Variants in MATN2 observed in about 807,000 individuals in gnomAD.
MATN2 encodes matrilin-2.
A neutral mutation model predicts 103.2 loss-of-function variants in MATN2; 69 were observed. The ratio of observed to expected loss-of-function variants is 0.67; its 90% confidence interval spans 0.55 to 0.82. The LOEUF is 0.82. MATN2 is among the 40% of genes least tolerant of loss of function. The pLI is 0.00. For missense variants in MATN2, 1,023 were observed against 1,211.5 expected, an observed-to-expected ratio of 0.84 and a Z score of 2.31; for synonymous variants, 429 against 450.2, an observed-to-expected ratio of 0.95 and a Z score of 0.60.
intron 7 of MATN2, among the ~76,000 whole-genome samples, chr8:97,996,861 C>T (rs1310789164): frequency 2.0e-5 from 3 of 152,160 alleles, no homozygotes; most frequent in African/African-American, 7.2e-5. Flanking sequence ...AGGATACAGC[C>T]ATTTACGTTT....
chr8:97,994,490 C>T lies in MATN2; in HGVS notation c.1092C>T (p.Tyr364=). 1 of 1,611,310 alleles carries T rather than the reference C, an allele frequency of 6.2e-7. No homozygotes were observed. The highest frequency in any genetic ancestry group is 8.5e-7 in the Non-Finnish European group (1 of 1,179,174). The change falls in exon 7 of 19, where the codon TAC becomes TAT. Residue 364 remains tyrosine, a synonymous_variant. Transcript: ENST00000254898. ...TTTCCTTCTTGCCAGAGATAGACTA[C>T]TGTGCCTCATCTAATCACGGATGTC... ...PDKKTCTKID[Y]CASSNHGCQH...
intron 3 of MATN2, among the ~76,000 whole-genome samples, chr8:97,940,194 CT>C (rs1347531778): frequency 2.0e-5 from 3 of 152,146 alleles, no homozygotes; most frequent in Non-Finnish European, 2.9e-5. Flanking sequence ...GATCCTAACA[CT>C]TTGGGAGGCT....
intron 2 of MATN2, among the ~76,000 whole-genome samples, chr8:97,923,878 C>T (rs1809898966): frequency 6.6e-6 from 1 of 152,178 alleles, no homozygotes; most frequent in African/African-American, 2.4e-5. Flanking sequence ...ACCTTCTTCT[C>T]TTATCTTGAC....
intron 2 of MATN2, among the ~76,000 whole-genome samples, chr8:97,908,130 A>G (rs1198988810): frequency 6.6e-6 from 1 of 152,148 alleles, no homozygotes; most frequent in African/African-American, 2.4e-5. Context: ...TGCTATGGCT[A>G]AGTTCATAGA....
At chr8:97,978,749 C>T in intron 5 of MATN2, 137 bp from the exon 6 acceptor site, 1 of 821,168 alleles carries the variant, frequency 1.2e-6, no homozygotes, top group Non-Finnish European at 2.0e-6. Flanking sequence ...ACCTTGGGTT[C>T]ATAACTGTTT....
chr8:97,902,484 C>T (rs538850543), intron 2 of MATN2, among the ~76,000 whole-genome samples: 5 of 140,426 alleles, frequency 3.6e-5, no homozygotes, highest in Admixed American at 7.5e-5. Context: ...GCAACAAGAA[C>T]GAAACTCCGT....
At chr8:97,975,986 GAT>G (rs1811822820) in intron 5 of MATN2, among the ~76,000 whole-genome samples, 1 of 152,166 alleles carries the variant, frequency 6.6e-6, no homozygotes, top group East Asian at 1.9e-4. Context: ...GCAACCAGCT[GAT>G]ATCCAATGAC....
intron 7 of MATN2, among the ~76,000 whole-genome samples, chr8:98,001,827 C>T (rs996610627): frequency 1.3e-5 from 2 of 151,054 alleles, no homozygotes; most frequent in Admixed American, 6.6e-5. Flanking sequence ...CCCCAGTAAG[C>T]TTCTTATGTT....
At chr8:97,988,136 T>C (rs1326501405) in intron 6 of MATN2, among the ~76,000 whole-genome samples, 14 of 98,200 alleles carry the variant, frequency 1.4e-4, no homozygotes, top group African/African-American at 5.9e-4. Flanking sequence ...CTGGGCAACA[T>C]AGAGCCCATC....
intron 2 of MATN2, among the ~76,000 whole-genome samples, chr8:97,893,592 ATTTAT>A (rs1563650494): frequency 0.018 from 1,085 of 61,742 alleles, 19 homozygotes; most frequent in East Asian, 0.062. Context: ...TTATTTATTT[ATTTAT>A]GATAGAGTCT....
intron 2 of MATN2, among the ~76,000 whole-genome samples, chr8:97,916,436 G>A (rs558238989): frequency 6.6e-6 from 1 of 152,194 alleles, no homozygotes; most frequent in South Asian, 2.1e-4. Context: ...TTGTTATGTA[G>A]GTAAACTCAG....
At chr8:97,957,473 G>A (rs999909421) in intron 4 of MATN2, among the ~76,000 whole-genome samples, 10 of 152,176 alleles carry the variant, frequency 6.6e-5, no homozygotes, top group South Asian at 2.1e-4. Context: ...CCCTTGGGTC[G>A]GTACAAATCG....
chr8:97,925,405 T>C (rs1461249780), intron 2 of MATN2, among the ~76,000 whole-genome samples: 1 of 151,982 alleles, frequency 6.6e-6, no homozygotes. Flanking sequence ...ACTTTTATAC[T>C]AGATAGGAGA....
In MATN2 at chr8:97,941,788, T is replaced by G. The variant is rs1041238203; in HGVS notation, c.724T>G (p.Cys242Gly). ...FQKKLCTAHM[C>G]STLEHNCAHF... ...GTCTTCCCTTTCAGCGGCCCATATG[T>G]GCAGCACCCTGGAGCATAACTGTGC... The change falls in exon 4 of 19, where the codon TGC becomes GGC. Residue 242 changes from cysteine (C) to glycine (G), a missense_variant. By Grantham distance (159) the Cys-to-Gly change is radical. Transcript: ENST00000254898. 1 of 1,599,826 alleles carries G rather than the reference T, an allele frequency of 6.3e-7. No individual in the cohort carries two copies. Among genetic ancestry groups the G allele is most frequent in the Non-Finnish European group, 8.5e-7 (1 of 1,173,148 alleles).
chr8:97,909,411 A>G (rs372288663), intron 2 of MATN2, among the ~76,000 whole-genome samples: 141 of 152,316 alleles, frequency 9.3e-4, no homozygotes, highest in African/African-American at 3.2e-3. Context: ...CCATGGGGCC[A>G]AGGACATTTT....
At chr8:98,019,020 T>TTATATATAAATATAATAGAAGACA (rs1418084181) in intron 12 of MATN2, among the ~76,000 whole-genome samples, 50 of 149,738 alleles carry the variant, frequency 3.3e-4, no homozygotes, top group African/African-American at 1.2e-3. Flanking sequence ...TCATCTTCTA[T>TTATATATAAATATAATAGAAGACA]TATATATAAA....
chr8:98,025,813 CA>C, intron 13 of MATN2: 1 of 398,438 alleles, frequency 2.5e-6, no homozygotes, highest in Non-Finnish European at 4.9e-6. Flanking sequence ...TCCTAAATAA[CA>C]AAAAGCCTCT....
chr8:98,018,014 A>G lies in MATN2; in HGVS notation c.1717A>G (p.Ile573Val), dbSNP rs970949159. ...TCRRKDVCQAIDHGCEHICVN... is the reference protein window; with the variant it reads ...TCRRKDVCQAVDHGCEHICVN... ...TTCAGGGAAAGATGTCTGCCAAGCT[A>G]TAGACCATGGCTGTGAACACATTTG... is the stretch of plus-strand genomic sequence containing the variant. Residue 573 changes from isoleucine to valine, a missense_variant, in exon 12 of 19, where the codon ATA becomes GTA. Transcript: ENST00000254898. The G allele has an allele frequency of 1.2e-6, 2 of 1,613,658 alleles. No individual in the cohort carries two copies. The highest frequency in any genetic ancestry group is 2.7e-5 in the African/African-American group (2 of 75,026).
At chr8:98,028,593 CT>C (rs201005613) in intron 14 of MATN2, among the ~76,000 whole-genome samples, 45 of 146,530 alleles carry the variant, frequency 3.1e-4, no homozygotes, top group Admixed American at 6.2e-4. Context: ...TTGAAAACTG[CT>C]TTTTTTTTTT....
Sources: gnomAD v4.1 joint callset for allele counts (sites outside exome capture counted in the v4.1 genomes callset) on GRCh38, gnomAD v4.1.1 for gene constraint, MANE v1.5 for transcripts, NCBI Gene and HGNC (gene_info 2026-07-23, HGNC 2026-07-21) for gene names.